The following LINGO2 variants were observed in gnomAD, a reference collection of about 807,000 sequenced individuals.
The protein encoded by LINGO2 is leucine rich repeat and Ig domain containing 2.
A neutral mutation model predicts 30.6 loss-of-function variants in LINGO2; 14 were observed. The ratio of observed to expected loss-of-function variants is 0.46; its 90% CI spans 0.30 to 0.72. The LOEUF is 0.72. Among genes scored for constraint, LINGO2 ranks in the 30% least tolerant of loss-of-function variants. The pLI is 0.07. For missense variants in LINGO2, 729 were observed against 751.7 expected, an observed-to-expected ratio of 0.97 and a Z score of 0.35; for synonymous variants, 317 against 288.5, an observed-to-expected ratio of 1.10 and a Z score of -1.00.
intron 4 of LINGO2, among the ~76,000 whole-genome samples, chr9:28,290,197 G>C (rs192416326): frequency 4.9e-4 from 75 of 152,262 alleles, no homozygotes; most frequent in African/African-American, 1.8e-3. Context: ...ACCCAAGTTG[G>C]GTTGACTCCC....
chr9:27,945,145 T>TGACACAGA (rs1308619707), downstream of LINGO2, among the ~76,000 whole-genome samples: 1 of 152,138 alleles, frequency 6.6e-6, no homozygotes, highest in Non-Finnish European at 1.5e-5. Flanking sequence ...ACAAATGTCT[T>TGACACAGA]GACACAGAGA....
chr9:28,627,210 TCC>T, intron 1 of LINGO2, among the ~76,000 whole-genome samples: 1 of 152,166 alleles, frequency 6.6e-6, no homozygotes, highest in East Asian at 1.9e-4. Flanking sequence ...TACAAGATGT[TCC>T]AGGTATTTAT....
intron 2 of LINGO2, among the ~76,000 whole-genome samples, chr9:28,461,468 G>A (rs757112298): frequency 5.9e-5 from 9 of 152,122 alleles, no homozygotes; most frequent in Non-Finnish European, 1.3e-4. Flanking sequence ...TAATGACTTA[G>A]GTTGGGCATG....
intron 4 of LINGO2, among the ~76,000 whole-genome samples, chr9:28,191,345 T>C (rs1380402058): frequency 3.3e-5 from 5 of 152,202 alleles, no homozygotes; most frequent in Non-Finnish European, 7.3e-5. Flanking sequence ...AGAGGTAAAG[T>C]ATAGCTCTGC....
intron 4 of LINGO2, among the ~76,000 whole-genome samples, chr9:28,263,220 C>A (rs888952497): frequency 6.6e-6 from 1 of 151,978 alleles, no homozygotes; most frequent in Non-Finnish European, 1.5e-5. Flanking sequence ...TCTCCTGCAA[C>A]TTCTTGTCTC....
intron 1 of LINGO2, among the ~76,000 whole-genome samples, chr9:28,548,477 G>C (rs1445996243): frequency 6.6e-6 from 1 of 151,844 alleles, no homozygotes; most frequent in African/African-American, 2.4e-5. Flanking sequence ...AGGCCGAGAC[G>C]GGTGGTTCAC....
intron 1 of LINGO2, among the ~76,000 whole-genome samples, chr9:28,477,006 C>A (rs1825755607): frequency 6.6e-6 from 1 of 152,154 alleles, no homozygotes; most frequent in Non-Finnish European, 1.5e-5. Flanking sequence ...CTACTCCACA[C>A]CAGCTCCCTT....
chr9:28,636,128 T>A (rs929873503), intron 1 of LINGO2, among the ~76,000 whole-genome samples: 7 of 152,154 alleles, frequency 4.6e-5, no homozygotes, highest in Non-Finnish European at 7.3e-5. Context: ...TCCAGCTTCA[T>A]CCATGTCCCT....
the LINGO2 span, among the ~76,000 whole-genome samples, chr9:29,006,299 A>G: frequency 1.3e-5 from 2 of 151,990 alleles, no homozygotes; most frequent in East Asian, 3.9e-4. Context: ...GACAAAAAGA[A>G]CACGGCCAGA....
At chr9:29,188,985 T>C in the LINGO2 span, among the ~76,000 whole-genome samples, 487 of 126,544 alleles carry the variant, frequency 3.8e-3, 3 homozygotes, top group African/African-American at 0.014. Flanking sequence ...CCCTGCCGGA[T>C]GGGGCGGCTG....
intron 5 of LINGO2, among the ~76,000 whole-genome samples, chr9:28,004,940 C>G (rs1302634747): frequency 6.6e-6 from 1 of 152,140 alleles, no homozygotes; most frequent in African/African-American, 2.4e-5. Context: ...AAACCATCAA[C>G]CAGCCCAGTA....
At chr9:28,927,497 T>C in the LINGO2 span, among the ~76,000 whole-genome samples, 1 of 152,034 alleles carries the variant, frequency 6.6e-6, no homozygotes, top group Admixed American at 6.6e-5. Flanking sequence ...TTTAAATAAT[T>C]GAGATGGATG....
At chr9:28,219,397 T>A (rs1820881722) in intron 4 of LINGO2, among the ~76,000 whole-genome samples, 1 of 152,210 alleles carries the variant, frequency 6.6e-6, no homozygotes, top group African/African-American at 2.4e-5. Context: ...GCTTGCCTTA[T>A]TCCTTATTTT....
At chr9:28,090,593 C>A (rs754021832) in intron 4 of LINGO2, among the ~76,000 whole-genome samples, 5 of 152,204 alleles carry the variant, frequency 3.3e-5, no homozygotes, top group Admixed American at 6.5e-5. Flanking sequence ...TTATGACAAA[C>A]CCACAGTCAA....
At chr9:28,237,751 A>T (rs1000573439) in intron 4 of LINGO2, among the ~76,000 whole-genome samples, 13 of 152,088 alleles carry the variant, frequency 8.5e-5, no homozygotes, top group Admixed American at 7.2e-4. Context: ...GCTACTCGGG[A>T]GGTTGAAGCA....
intron 1 of LINGO2, among the ~76,000 whole-genome samples, chr9:28,488,378 CTAAT>C (rs1282057172): frequency 3.3e-5 from 5 of 152,076 alleles, no homozygotes. Context: ...ATATTACTTA[CTAAT>C]TAAATTAAAT....
chr9:28,895,756 A>C, the LINGO2 span, among the ~76,000 whole-genome samples: 747 of 152,164 alleles, frequency 4.9e-3, 6 homozygotes, highest in African/African-American at 0.017. Flanking sequence ...GAACCGAGGG[A>C]GACATCCAGT....
At chr9:28,432,999 T>A (rs190741113) in intron 2 of LINGO2, among the ~76,000 whole-genome samples, 264 of 152,188 alleles carry the variant, frequency 1.7e-3, no homozygotes, top group African/African-American at 5.9e-3. Flanking sequence ...AGAATATGCA[T>A]TAAAAAAATC....
chr9:28,686,769 A>G, the LINGO2 span, among the ~76,000 whole-genome samples: 1 of 152,126 alleles, frequency 6.6e-6, no homozygotes, highest in Admixed American at 6.6e-5. Context: ...TTATTGGAAT[A>G]TCCATTTCAG....
Sources: gnomAD v4.1 joint callset for allele counts (sites outside exome capture counted in the v4.1 genomes callset) on GRCh38, gnomAD v4.1.1 for gene constraint, MANE v1.5 for transcripts, NCBI Gene and HGNC (gene_info 2026-07-23, HGNC 2026-07-21) for gene names.